The following SUV39H1 variants were observed in gnomAD, a reference collection of about 807,000 sequenced individuals.
SUV39H1 encodes SUV39H1 histone lysine methyltransferase.
For missense variants in SUV39H1, 180 were observed against 386.3 expected (o/e 0.47, Z 4.48); for synonymous variants, 141 against 150.5 (o/e 0.94, Z 0.46).
At chrX:48,699,228 C>A (rs1298847021) in intron 2 of SUV39H1, 181 bp downstream of exon 2, 1 of 430,214 alleles carries the variant, frequency 2.3e-6, no homozygotes, top group African/African-American at 2.5e-5. Flanking sequence ...AAGTAGCTTT[C>A]TGGGCAGGAG....
At chrX:48,705,118 G>T (rs2062486801) in intron 3 of SUV39H1, 1 of 112,037 alleles carries the variant, frequency 8.9e-6, no homozygotes, top group African/African-American at 3.3e-5. Flanking sequence ...CTAAGGAGAT[G>T]GATTCCCAAG....
rs782263024 is a variant in SUV39H1 at position 48,708,006 on chromosome X, A to G, written c.*436A>G. On this transcript the variant is annotated 3_prime_UTR_variant, in exon 6 of 6. Coordinates refer to ENST00000376687, the MANE Select transcript of SUV39H1 (RefSeq NM_003173.4). The stretch of plus-strand genomic sequence containing the variant: ...GGAAGCAACCCCAGAGCAGGCAGAC[A>G]TCAGAGGCCAGAGTGCCTAGCCCGA... 1.3e-4 allele frequency: 32 copies of G among 239,176 alleles called. No individual in the cohort carries two copies. The South Asian group carries it at 1.4e-3, about 10-fold the overall frequency. The allele number at this position is 239,176 out of a possible 1,213,427, so 19.7% of individuals were successfully genotyped here. A position where few individuals can be genotyped will look rare whatever the true frequency, so the allele number is the denominator to read the frequency against.
chrX:48,702,449 G>A (rs1488558865), intron 3 of SUV39H1, among the ~76,000 whole-genome samples: 2 of 111,449 alleles, frequency 1.8e-5, no homozygotes, highest in Non-Finnish European at 3.8e-5. Context: ...CAGTATCGGG[G>A]GAAGTGTCCA....
intron 1 of SUV39H1, 135 bp from the exon 2 acceptor site, chrX:48,698,767 G>A: frequency 1.3e-6 from 1 of 773,367 alleles, no homozygotes; most frequent in Non-Finnish European, 1.8e-6. Flanking sequence ...CTCAGCACTG[G>A]GGAAGGCCTG....
chrX:48,695,605 G>A (rs1200620367), upstream of SUV39H1: 3 of 1,084,821 alleles, frequency 2.8e-6, no homozygotes, highest in Admixed American at 3.4e-5. Context: ...GCCTGGCTGG[G>A]TGCTCTGACT....
At chrX:48,699,175 G>A in intron 2 of SUV39H1, 128 bp downstream of exon 2, 5 of 744,482 alleles carry the variant, frequency 6.7e-6, no homozygotes, top group Non-Finnish European at 9.4e-6. Context: ...GAAAACACAG[G>A]ATGAATAGAC....
rs781900523 is a variant in SUV39H1 at position 48,704,493 on chromosome X, G to A, written c.829-1772G>A. ...AGCTTCTGAGGTAGGGGAGGAACGG[G>A]AAGCTTGGAAGGCTGCCTAGAGAGG... On this transcript the variant is annotated intron_variant, in intron 3 of 5. Coordinates refer to ENST00000376687, the MANE Select transcript of SUV39H1 (RefSeq NM_003173.4). Among the ~76,000 whole-genome samples the A allele has an allele frequency of 2.7e-5, 3 of 111,265 alleles. No homozygotes were observed. In the Admixed American group the frequency reaches 2.8e-4, roughly 11 times the overall value.
At position 48,706,381 on chromosome X, in the gene SUV39H1, T is replaced by C; in HGVS notation, c.945T>C (p.Tyr315=). The C allele has an allele frequency of 1.7e-6, 2 of 1,211,287 alleles. No individual in the cohort carries two copies. The highest frequency in any genetic ancestry group is 3.5e-5 in the South Asian group (2 of 56,881). The change falls in exon 4 of 6, where the codon TAT becomes TAC. Residue 315 remains tyrosine (Y), a synonymous_variant. Coordinates refer to ENST00000376687, the MANE Select transcript of SUV39H1 (RefSeq NM_003173.4). ...TGTACACCGTGGATGCCGCCTACTA[T>C]GGCAACATCTCCCACTTTGTCAACC... ...EDVYTVDAAY[Y]GNISHFVNHS... is the part of the protein sequence containing the mutation.
rs1557009287 is a variant in SUV39H1, at chrX:48,700,566, G to A, written c.641G>A (p.Arg214Gln). 2 of 1,212,250 alleles carry A rather than the reference G, an allele frequency of 1.6e-6. No homozygotes were observed. Among genetic ancestry groups the A allele is most frequent in the Admixed American group, 4.3e-5 (2 of 46,127 alleles). The change falls in exon 3 of 6, where the codon CGA (arginine) becomes CAA (glutamine). Residue 214 changes from arginine to glutamine, a missense_variant. Physicochemically the swap from Arg to Gln is conservative, Grantham distance 43. Transcript: ENST00000376687. ...AYNDQGQVRL[R>Q]AGLPIYECNS... ...AATGACCAGGGCCAGGTGCGGCTTC[G>A]AGCCGGGCTGCCCATCTACGAGTGC...
rs1188614615 is a variant in SUV39H1 at position 48,708,394 on chromosome X, C to G, written c.*824C>G. ...TGGGGTGTCATGACCGCTGACACCA[C>G]TCAGAGCTGGAACCAAGATCTAGAT... On this transcript the variant is annotated 3_prime_UTR_variant, in exon 6 of 6. Transcript: ENST00000376687. 1 of 112,932 alleles carries G rather than the reference C, an allele frequency of 8.9e-6. No individual in the cohort carries two copies. The highest frequency in any genetic ancestry group is 1.9e-5 in the Non-Finnish European group (1 of 53,593). The allele number at this position is 112,932 out of a possible 1,213,427, so 9.3% of individuals were successfully genotyped here. A position where few individuals can be genotyped will look rare whatever the true frequency, so the allele number is the denominator to read the frequency against.
At chrX:48,699,174 G>A in intron 2 of SUV39H1, 127 bp downstream of exon 2, 1 of 747,742 alleles carries the variant, frequency 1.3e-6, no homozygotes, top group African/African-American at 2.1e-5. Flanking sequence ...TGAAAACACA[G>A]GATGAATAGA....
upstream of SUV39H1, among the ~76,000 whole-genome samples, chrX:48,696,207 G>T (rs1168080403): frequency 8.9e-6 from 1 of 112,495 alleles, no homozygotes; most frequent in South Asian, 3.6e-4. Flanking sequence ...GAATGATAAG[G>T]CAGGCTGGCT....
intron 2 of SUV39H1, 22 bp from the exon 3 acceptor site, chrX:48,700,069 T>C: frequency 2.9e-5 from 21 of 719,784 alleles, no homozygotes; most frequent in Non-Finnish European, 4.1e-5. Flanking sequence ...GGTACCCCCG[T>C]CCCCCTACCC....
At chrX:48,701,148 G>A (rs1230367395) in intron 3 of SUV39H1, among the ~76,000 whole-genome samples, 5 of 111,585 alleles carry the variant, frequency 4.5e-5, no homozygotes, top group Non-Finnish European at 7.5e-5. Context: ...TCACCAAGCA[G>A]TATCTGCCTG....
Position 48,696,764 on chromosome X carries a change from T to C in SUV39H1, c.-21T>C, listed in dbSNP as rs1241579837. 2 of 1,138,803 alleles carry C rather than the reference T, an allele frequency of 1.8e-6. No individual in the cohort carries two copies. Among genetic ancestry groups the C allele is most frequent in the African/African-American group, 1.9e-5 (1 of 53,655 alleles). 93.9% of individuals were successfully genotyped at this position (1,138,803 alleles called of 1,213,427 possible). A position where few individuals can be genotyped will look rare whatever the true frequency, so the allele number is the denominator to read the frequency against. Reference sequence around the variant, plus strand: ...TCTCGCGAGGCCGGCTAGGCCCGAATGTCGTTAGCCGTGGGGAAAGATGGC... The same window carrying C: ...TCTCGCGAGGCCGGCTAGGCCCGAACGTCGTTAGCCGTGGGGAAAGATGGC... On this transcript the variant is annotated 5_prime_UTR_variant, in exon 1 of 6. The change abolishes an upstream ATG in the 5' untranslated region. Coordinates refer to ENST00000376687, the MANE Select transcript of SUV39H1 (RefSeq NM_003173.4).
intron 2 of SUV39H1, 60 bp from the exon 3 acceptor site, chrX:48,700,031 A>C: frequency 9.7e-7 from 1 of 1,032,418 alleles, no homozygotes; most frequent in Non-Finnish European, 1.3e-6. Context: ...AGCCCCATGA[A>C]GGCTGGCCCA....
intron 3 of SUV39H1, among the ~76,000 whole-genome samples, chrX:48,705,624 A>T (rs1557010020): frequency 8.9e-6 from 1 of 112,408 alleles, no homozygotes; most frequent in Non-Finnish European, 1.9e-5. Context: ...AGCTTCTCTC[A>T]CTGTGCTCTC....
chrX:48,707,614 T>C lies in SUV39H1; in HGVS notation c.*44T>C. On this transcript the variant is annotated 3_prime_UTR_variant, in exon 6 of 6. Transcript: ENST00000376687. The stretch of plus-strand genomic sequence containing the variant: ...CAGACTGACTGAGGGGGCCTGAAGC[T>C]ACATGCACCTCCCCCACTGCTGCCC... 8.3e-7 allele frequency: 1 copy of C among 1,198,253 alleles called. No homozygotes were observed. Among genetic ancestry groups the C allele is most frequent in the Non-Finnish European group, 1.1e-6 (1 of 885,004 alleles).
At chrX:48,696,419 A>C (rs1489342223), upstream of SUV39H1, among the ~76,000 whole-genome samples, 1 of 112,001 alleles carries the variant, frequency 8.9e-6, no homozygotes, top group African/African-American at 3.2e-5. Context: ...TGACGGGCTG[A>C]CTGACGGTGA....
Sources: gnomAD v4.1 joint callset for allele counts (sites outside exome capture counted in the v4.1 genomes callset) on GRCh38, gnomAD v4.1.1 for gene constraint, MANE v1.5 for transcripts, NCBI Gene and HGNC (gene_info 2026-07-23, HGNC 2026-07-21) for gene names.